Variants in ADGRL3 observed in about 807,000 individuals in gnomAD.
The protein encoded by ADGRL3 is adhesion G protein-coupled receptor L3.
A neutral mutation model predicts 153.5 loss-of-function variants in ADGRL3; 62 were observed. The ratio of observed to expected loss-of-function variants is 0.40; its 90% CI spans 0.33 to 0.50. The LOEUF is 0.50. Ranked by LOEUF, ADGRL3 falls within the 20% of genes least tolerant of loss-of-function variation. ADGRL3 has a pLI of 0.47. For missense variants in ADGRL3, 1,641 were observed against 1,859.4 expected, an observed-to-expected ratio of 0.88 and a Z score of 2.16; for synonymous variants, 710 against 672.5, an observed-to-expected ratio of 1.06 and a Z score of -0.86.
intron 1 of ADGRL3, among the ~76,000 whole-genome samples, chr4:61,314,440 C>T (rs953965008): frequency 2.0e-5 from 3 of 152,130 alleles, no homozygotes; most frequent in Admixed American, 2.0e-4. Flanking sequence ...AACTCCTGAC[C>T]TCAGATGATC....
intron 5 of ADGRL3, among the ~76,000 whole-genome samples, chr4:61,635,889 C>A (rs1283071282): frequency 6.6e-6 from 1 of 151,966 alleles, no homozygotes; most frequent in African/African-American, 2.4e-5. Flanking sequence ...CAAAGGACAC[C>A]AATTGTATTG....
chr4:61,651,478 G>C (rs2094246922), intron 5 of ADGRL3, among the ~76,000 whole-genome samples: 2 of 152,128 alleles, frequency 1.3e-5, no homozygotes, highest in South Asian at 4.1e-4. Flanking sequence ...ATCCCAAGTG[G>C]TAATGCTTCT....
chr4:61,717,415 A>G (rs554139021), intron 6 of ADGRL3, among the ~76,000 whole-genome samples: 5 of 152,334 alleles, frequency 3.3e-5, no homozygotes, highest in African/African-American at 1.2e-4. Context: ...GGGAAATTAT[A>G]TGCTATCCAA....
At chr4:61,783,442 A>G (rs2097239429) in intron 8 of ADGRL3, among the ~76,000 whole-genome samples, 1 of 152,114 alleles carries the variant, frequency 6.6e-6, no homozygotes, top group African/African-American at 2.4e-5. Flanking sequence ...GGCTTTGCCA[A>G]AAATTATTAA....
At position 61,283,826 on chromosome 4, in the gene ADGRL3, C is replaced by T. The variant is rs73822594; in HGVS notation, c.-240+82061C>T. 1.9e-3 allele frequency among the ~76,000 whole-genome samples: 284 copies of T among 152,102 alleles called. 1 individual carries two copies. Among genetic ancestry groups the T allele is most frequent in the African/African-American group, 6.6e-3 (274 of 41,566 alleles). On this transcript the variant is annotated intron_variant, in intron 1 of 26. Transcript: ENST00000683033. ...CCAGTTTACCTTACCAAGTAGAATACTTTAAGCACCTGATTGTCCGTGCAT... is the reference window on the plus strand; with the variant it reads ...CCAGTTTACCTTACCAAGTAGAATATTTTAAGCACCTGATTGTCCGTGCAT...
intron 8 of ADGRL3, among the ~76,000 whole-genome samples, chr4:61,811,040 G>A (rs998151394): frequency 1.3e-5 from 2 of 152,004 alleles, no homozygotes; most frequent in African/African-American, 2.4e-5. Context: ...TCCTGTTATC[G>A]AAAAGTAAGA....
intron 9 of ADGRL3, among the ~76,000 whole-genome samples, chr4:61,852,640 A>G (rs930045272): frequency 6.6e-6 from 1 of 152,140 alleles, no homozygotes. Flanking sequence ...TACAACAAAA[A>G]AATTTGTTTT....
intron 2 of ADGRL3, among the ~76,000 whole-genome samples, chr4:61,471,118 G>A (rs1203418983): frequency 1.3e-5 from 2 of 151,410 alleles, no homozygotes; most frequent in African/African-American, 4.8e-5. Context: ...TATTCCTTTG[G>A]AATTATTTCA....
chr4:62,042,433 A>G (rs1432670619), intron 24 of ADGRL3, among the ~76,000 whole-genome samples: 2 of 151,900 alleles, frequency 1.3e-5, no homozygotes, highest in Non-Finnish European at 2.9e-5. Context: ...TTTATATTTA[A>G]AAGAATAAAG....
At chr4:61,507,661 G>A (rs1305166248) in intron 3 of ADGRL3, among the ~76,000 whole-genome samples, 1 of 152,162 alleles carries the variant, frequency 6.6e-6, no homozygotes, top group Non-Finnish European at 1.5e-5. Context: ...TGAGTTTGTT[G>A]TGTGTATGTG....
intron 1 of ADGRL3, among the ~76,000 whole-genome samples, chr4:61,294,096 T>G (rs2150210542): frequency 6.6e-6 from 1 of 152,244 alleles, no homozygotes; most frequent in East Asian, 1.9e-4. Context: ...CTTTCGAAAA[T>G]ACTTCGAAAT....
intron 2 of ADGRL3, among the ~76,000 whole-genome samples, chr4:61,489,205 T>A (rs2098230661): frequency 6.6e-6 from 1 of 151,962 alleles, no homozygotes; most frequent in Non-Finnish European, 1.5e-5. Context: ...ATTTAAGTAA[T>A]CTGCTTATGT....
At chr4:61,211,937 T>C (rs538433414) in intron 1 of ADGRL3, 7 of 152,384 alleles carry the variant, frequency 4.6e-5, no homozygotes, top group East Asian at 3.9e-4. Context: ...CTGGATTTTT[T>C]CCTGCACATG....
intron 8 of ADGRL3, among the ~76,000 whole-genome samples, chr4:61,791,606 C>T (rs2097342593): frequency 6.6e-6 from 1 of 152,228 alleles, no homozygotes; most frequent in Non-Finnish European, 1.5e-5. Context: ...CCTCTTCTCA[C>T]AGCTCCACTA....
chr4:61,346,592 T>C (rs968111842), intron 1 of ADGRL3, among the ~76,000 whole-genome samples: 1 of 142,732 alleles, frequency 7.0e-6, no homozygotes, highest in African/African-American at 2.6e-5. Flanking sequence ...AGCAAGACAC[T>C]GTCTTTACAA....
intron 25 of ADGRL3, among the ~76,000 whole-genome samples, chr4:62,056,624 A>C (rs1215805931): frequency 6.6e-6 from 1 of 152,104 alleles, no homozygotes; most frequent in African/African-American, 2.4e-5. Context: ...TACTTGTTAA[A>C]AAATGAAGTC....
At chr4:62,050,306 C>T (rs1187291495) in intron 25 of ADGRL3, among the ~76,000 whole-genome samples, 1 of 152,050 alleles carries the variant, frequency 6.6e-6, no homozygotes, top group Non-Finnish European at 1.5e-5. Flanking sequence ...CTTCTCCCTA[C>T]CTTAGATAAT....
At chr4:61,286,644 A>G (rs2093952241) in intron 1 of ADGRL3, among the ~76,000 whole-genome samples, 1 of 151,744 alleles carries the variant, frequency 6.6e-6, no homozygotes, top group African/African-American at 2.4e-5. Flanking sequence ...ATAATAATTC[A>G]GTTTGACATG....
chr4:61,540,874 G>T (rs750849784), intron 4 of ADGRL3, among the ~76,000 whole-genome samples: 3 of 151,994 alleles, frequency 2.0e-5, no homozygotes, highest in South Asian at 4.1e-4. Flanking sequence ...GTATACAAAA[G>T]AAGTTAAAAT....
Sources: allele counts gnomAD v4.1 joint callset (sites outside exome capture counted in the v4.1 genomes callset), GRCh38; gene constraint gnomAD v4.1.1; transcripts MANE v1.5; gene names NCBI Gene and HGNC (gene_info 2026-07-23, HGNC 2026-07-21).